BBS9: variants seen among roughly 807,000 people sequenced by gnomAD.
The protein encoded by BBS9 is protein PTHB1.
In BBS9, 89 loss-of-function variants were observed where a neutral mutation model predicts 117.7. That is an observed-to-expected ratio of 0.76 (90% CI 0.64 to 0.90). BBS9 has a LOEUF of 0.90. Ranked by LOEUF, BBS9 falls within the 40% of genes least tolerant of loss-of-function variation. BBS9 has a pLI of 0.00. For synonymous variants in BBS9, 379 were observed against 370.9 expected (o/e 1.02, Z -0.25); for missense variants, 982 against 1,042.2 (o/e 0.94, Z 0.80).
intron 5 of BBS9, among the ~76,000 whole-genome samples, chr7:33,188,677 A>C (rs868302000): frequency 6.6e-6 from 1 of 152,364 alleles, no homozygotes; most frequent in East Asian, 1.9e-4. Flanking sequence ...GAGGTTAAGC[A>C]GCTGGAGTAT....
chr7:33,537,748 G>A (rs1851678533), intron 21 of BBS9, among the ~76,000 whole-genome samples: 1 of 152,140 alleles, frequency 6.6e-6, no homozygotes, highest in Non-Finnish European at 1.5e-5. Flanking sequence ...TTTGCAGGAG[G>A]CTTCCTTTTA....
intron 5 of BBS9, among the ~76,000 whole-genome samples, chr7:33,184,235 G>A (rs1322022861): frequency 6.6e-6 from 1 of 152,084 alleles, no homozygotes; most frequent in Non-Finnish European, 1.5e-5. Context: ...ACTAAACAAA[G>A]TTCAGGTGGT....
rs543350659 is a variant in BBS9 at position 33,361,801 on chromosome 7, ATACT to A, written c.1693+3813_1693+3816del. 1.3e-4 allele frequency among the ~76,000 whole-genome samples: 20 copies of A among 152,218 alleles called. No individual in the cohort carries two copies. The South Asian group carries it at 2.3e-3, about 17-fold the overall frequency. ...ATGATCTCTATTCTAAGATTATAAA[ATACT>A]TACTTATTTTTTCTGGTACATTTTT... On this transcript the variant is annotated intron_variant, in intron 16 of 22. Transcript: ENST00000242067.
At chr7:33,551,669 C>T (rs1218002825) in intron 21 of BBS9, among the ~76,000 whole-genome samples, 2 of 152,090 alleles carry the variant, frequency 1.3e-5, no homozygotes, top group Non-Finnish European at 2.9e-5. Context: ...AAGCCCTGCC[C>T]TCAGGGAATT....
chr7:33,543,070 C>A (rs1852661649), intron 21 of BBS9, among the ~76,000 whole-genome samples: 1 of 152,084 alleles, frequency 6.6e-6, no homozygotes, highest in Non-Finnish European at 1.5e-5. Flanking sequence ...AGTTTACATT[C>A]CCACCAGCAG....
intron 19 of BBS9, among the ~76,000 whole-genome samples, chr7:33,446,013 A>T (rs548358925): frequency 1.3e-5 from 2 of 152,316 alleles, no homozygotes; most frequent in South Asian, 4.1e-4. Context: ...ACTAATACAG[A>T]TATTAATAGA....
intron 5 of BBS9, among the ~76,000 whole-genome samples, chr7:33,234,204 A>G (rs1793027178): frequency 2.0e-5 from 3 of 152,066 alleles, no homozygotes; most frequent in South Asian, 2.1e-4. Context: ...AATCTTTATC[A>G]TATGTATGTA....
chr7:33,610,649 T>G (rs1864809818), downstream of BBS9, among the ~76,000 whole-genome samples: 1 of 152,124 alleles, frequency 6.6e-6, no homozygotes, highest in Non-Finnish European at 1.5e-5. Flanking sequence ...CTCTAAATAC[T>G]GTTTCGACAC....
intron 5 of BBS9, among the ~76,000 whole-genome samples, chr7:33,251,681 G>A (rs1213576530): frequency 6.6e-6 from 1 of 152,172 alleles, no homozygotes; most frequent in African/African-American, 2.4e-5. Flanking sequence ...ATGTGTTTGG[G>A]TATTTTCCAC....
At chr7:33,540,467 G>C (rs73319172) in intron 21 of BBS9, among the ~76,000 whole-genome samples, 20,752 of 152,128 alleles carry the variant, frequency 0.14, 1,715 homozygotes, top group African/African-American at 0.22. Flanking sequence ...ACCAAGGTGT[G>C]TATTAATGAT....
intron 21 of BBS9, among the ~76,000 whole-genome samples, chr7:33,620,356 T>TAA (rs1323617612): frequency 6.6e-6 from 1 of 151,928 alleles, no homozygotes; most frequent in Non-Finnish European, 1.5e-5. Context: ...AACTGTTAAA[T>TAA]AAACCCTTAA....
intron 19 of BBS9, among the ~76,000 whole-genome samples, chr7:33,406,033 T>C (rs1000073543): frequency 2.0e-5 from 3 of 152,198 alleles, no homozygotes; most frequent in African/African-American, 7.2e-5. Context: ...CCAGAGATTC[T>C]GGTATGTTGT....
At chr7:33,425,359 T>G (rs1833507639) in intron 19 of BBS9, among the ~76,000 whole-genome samples, 1 of 152,206 alleles carries the variant, frequency 6.6e-6, no homozygotes, top group Non-Finnish European at 1.5e-5. Flanking sequence ...TTATTTTAAT[T>G]TTAAGTTCCA....
intron 5 of BBS9, among the ~76,000 whole-genome samples, chr7:33,178,493 T>G (rs781095437): frequency 1.4e-4 from 21 of 152,166 alleles, no homozygotes; most frequent in Non-Finnish European, 2.1e-4. Context: ...CCAAACCAAC[T>G]TCTCTCCCTG....
intron 6 of BBS9, among the ~76,000 whole-genome samples, chr7:33,261,412 A>G (rs1797963697): frequency 1.3e-5 from 2 of 152,320 alleles, no homozygotes; most frequent in South Asian, 2.1e-4. Context: ...GTGTATAAAG[A>G]AAGCTTCTGT....
intron 19 of BBS9, among the ~76,000 whole-genome samples, chr7:33,457,765 AAG>A (rs1226658897): frequency 6.6e-6 from 1 of 152,198 alleles, no homozygotes; most frequent in Non-Finnish European, 1.5e-5. Flanking sequence ...TGTGTCTGAA[AAG>A]AGTGTTAAAG....
At chr7:33,520,826 G>A (rs1035151177) in intron 20 of BBS9, among the ~76,000 whole-genome samples, 3 of 152,102 alleles carry the variant, frequency 2.0e-5, no homozygotes, top group African/African-American at 7.2e-5. Flanking sequence ...CTCTTGACCT[G>A]GTAATTTATC....
At chr7:33,391,232 G>A (rs1030424068) in intron 19 of BBS9, among the ~76,000 whole-genome samples, 1 of 152,078 alleles carries the variant, frequency 6.6e-6, no homozygotes, top group Non-Finnish European at 1.5e-5. Context: ...GAAATAACAA[G>A]CCATGCTAGA....
intron 19 of BBS9, among the ~76,000 whole-genome samples, chr7:33,439,531 A>G (rs946571812): frequency 2.9e-5 from 2 of 70,106 alleles, no homozygotes; most frequent in African/African-American, 1.3e-4. Flanking sequence ...CTTTTTTATC[A>G]CCTTTTTTTT....
Sources: allele counts gnomAD v4.1 joint callset (sites outside exome capture counted in the v4.1 genomes callset), GRCh38; gene constraint gnomAD v4.1.1; transcripts MANE v1.5; gene names NCBI Gene and HGNC (gene_info 2026-07-23, HGNC 2026-07-21).